FAM204A: variants seen among roughly 807,000 people sequenced by gnomAD.
The protein encoded by FAM204A is family with sequence similarity 204 member A.
A neutral mutation model predicts 35.4 loss-of-function variants in FAM204A; 16 were observed. The ratio of observed to expected loss-of-function variants is 0.45; its 90% CI spans 0.31 to 0.69. The LOEUF is 0.69. Among genes scored for constraint, FAM204A ranks in the 30% least tolerant of loss-of-function variants. The probability of loss-of-function intolerance (pLI) is 0.07; values close to 1 mark genes in which losing one functional copy is unlikely to be tolerated. For synonymous variants in FAM204A, 76 were observed against 86.9 expected (o/e 0.88, Z 0.70); for missense variants, 240 against 265.7 (o/e 0.90, Z 0.67).
rs1341094452 is a variant in FAM204A, at chr10:118,300,008, T to C, written c.*10849A>G. On this transcript the variant is annotated 3_prime_UTR_variant, in exon 9 of 9. Coordinates refer to ENST00000369183, the MANE Select transcript of FAM204A (RefSeq NM_022063.3). The stretch of plus-strand genomic sequence containing the variant: ...TGGCCTTGATTATAGAGGAACAAAG[T>C]AGCAACTGTATTGAGGACCGTCCAT... The C allele has an allele frequency of 1.3e-5, 2 of 152,158 alleles. No individual in the cohort carries two copies. Among genetic ancestry groups the C allele is most frequent in the Non-Finnish European group, 2.9e-5 (2 of 68,022 alleles). 9.4% of individuals were successfully genotyped at this position (152,158 alleles called of 1,614,324 possible). A position where few individuals can be genotyped will look rare whatever the true frequency, so the allele number is the denominator to read the frequency against.
chr10:118,332,664 A>C (rs1215213893), intron 6 of FAM204A, among the ~76,000 whole-genome samples: 1 of 152,158 alleles, frequency 6.6e-6, no homozygotes, highest in East Asian at 1.9e-4. Flanking sequence ...ACAAACAAAC[A>C]AACAAACAAA....
intron 7 of FAM204A, among the ~76,000 whole-genome samples, chr10:118,313,542 T>C (rs981180540): frequency 1.3e-5 from 2 of 152,236 alleles, no homozygotes; most frequent in South Asian, 2.1e-4. Flanking sequence ...CTGTAAATCA[T>C]AGCTGGCTAC....
rs549090220 is a variant in FAM204A at position 118,298,436 on chromosome 10, G to T, written c.*12421C>A. 6.6e-6 allele frequency: 1 copy of T among 152,308 alleles called. No homozygotes were observed. The highest frequency in any genetic ancestry group is 1.5e-5 in the Non-Finnish European group (1 of 68,030). 9.4% of individuals were successfully genotyped at this position (152,308 alleles called of 1,614,324 possible). On this transcript the variant is annotated 3_prime_UTR_variant, in exon 9 of 9. Transcript: ENST00000369183. ...TAAAGACGCTTATTCTCTCCTACCA[G>T]TTACTCTTCATTTTTATGTGTCAGA...
rs1159104357 is a variant in FAM204A, at chr10:118,302,259, G to C, written c.*8598C>G. 1 of 152,244 alleles carries C rather than the reference G, an allele frequency of 6.6e-6. No homozygotes were observed. Among genetic ancestry groups the C allele is most frequent in the East Asian group, 1.9e-4 (1 of 5,194 alleles). 9.4% of individuals were successfully genotyped at this position (152,244 alleles called of 1,614,324 possible). ...TGAAATAATGAGAAAAGGAAATGCA[G>C]GAAGAGGGATCCATTTCTTCCAGAT... On this transcript the variant is annotated 3_prime_UTR_variant, in exon 9 of 9. Coordinates refer to ENST00000369183, the MANE Select transcript of FAM204A (RefSeq NM_022063.3).
chr10:118,311,513 C>T (rs1845951980), intron 7 of FAM204A, 200 bp from the exon 8 acceptor site: 1 of 494,118 alleles, frequency 2.0e-6, no homozygotes, highest in Non-Finnish European at 3.5e-6. Flanking sequence ...AGACCCTTTA[C>T]CCTAGTTATA....
In FAM204A at chr10:118,326,162, T is replaced by C; in HGVS notation, c.535A>G (p.Thr179Ala). The C allele has an allele frequency of 1.9e-6, 3 of 1,613,222 alleles. No individual in the cohort carries two copies. Among genetic ancestry groups the C allele is most frequent in the Non-Finnish European group, 2.5e-6 (3 of 1,179,376 alleles). The change falls in exon 7 of 9, where the codon ACT becomes GCT. Residue 179 changes from threonine to alanine, a missense_variant. Physicochemically the swap from Thr to Ala is moderately conservative, Grantham distance 58. Coordinates refer to ENST00000369183, the MANE Select transcript of FAM204A (RefSeq NM_022063.3). The part of the protein sequence containing the change: ...KAEELSNQLA[T>A]RELGVKIAKA... ...TAACCCTTTTGACTCACCTCTCGAG[T>C]AGCTAGCTGGTTGCTGAGTTCCTCA...
intron 6 of FAM204A, among the ~76,000 whole-genome samples, chr10:118,332,408 C>T (rs1307764359): frequency 1.3e-5 from 2 of 151,992 alleles, no homozygotes; most frequent in Non-Finnish European, 2.9e-5. Context: ...TGGTTTACAA[C>T]TGATACCAGG....
At chr10:118,336,466 G>T in intron 2 of FAM204A, 43 bp from the exon 3 acceptor site, 1 of 1,509,966 alleles carries the variant, frequency 6.6e-7, no homozygotes, top group Non-Finnish European at 8.9e-7. Context: ...AATAACCATA[G>T]AAATAATTTT....
At chr10:118,341,190 G>T (rs1440802652) in intron 2 of FAM204A, among the ~76,000 whole-genome samples, 1 of 152,196 alleles carries the variant, frequency 6.6e-6, no homozygotes, top group African/African-American at 2.4e-5. Context: ...TGAGCAGCTC[G>T]ATGGGTAAAT....
chr10:118,311,155 G>A (rs1845945524), intron 8 of FAM204A, 52 bp downstream of exon 8: 1 of 1,495,726 alleles, frequency 6.7e-7, no homozygotes, highest in Non-Finnish European at 9.2e-7. Context: ...TATATTAGCA[G>A]AATTTCTATG....
chr10:118,317,616 T>C (rs746248968), intron 7 of FAM204A, among the ~76,000 whole-genome samples: 17 of 152,014 alleles, frequency 1.1e-4, no homozygotes, highest in Non-Finnish European at 2.4e-4. Flanking sequence ...ATTAAAATGC[T>C]GCAGTGTCAC....
chr10:118,336,054 A>G, intron 3 of FAM204A, 128 bp downstream of exon 3: 1 of 1,088,034 alleles, frequency 9.2e-7, no homozygotes. Flanking sequence ...GAACAGTAAA[A>G]GCATTCTGAG....
At chr10:118,334,021 C>G (rs557051893) in intron 6 of FAM204A, among the ~76,000 whole-genome samples, 1 of 152,308 alleles carries the variant, frequency 6.6e-6, no homozygotes, top group Admixed American at 6.5e-5. Flanking sequence ...CCTGAGCCTC[C>G]AGCTCTACCA....
At chr10:118,335,039 G>A (rs1022288364) in intron 6 of FAM204A, 75 bp downstream of exon 6, 2 of 1,053,172 alleles carry the variant, frequency 1.9e-6, no homozygotes, top group African/African-American at 3.2e-5. Flanking sequence ...AATTAATGAG[G>A]ACAAGTACTT....
chr10:118,324,995 T>TCTCA (rs1363362850), intron 7 of FAM204A, among the ~76,000 whole-genome samples: 2 of 152,016 alleles, frequency 1.3e-5, no homozygotes, highest in African/African-American at 4.8e-5. Flanking sequence ...ATATATTCTC[T>TCTCA]CTCACACACA....
intron 8 of FAM204A, 110 bp from the exon 9 acceptor site, chr10:118,311,018 T>C: frequency 9.0e-7 from 1 of 1,105,580 alleles, no homozygotes; most frequent in Non-Finnish European, 1.3e-6. Context: ...TTTCACATAC[T>C]CCAATGATTA....
intron 6 of FAM204A, 142 bp downstream of exon 6, chr10:118,334,972 A>G (rs1375969144): frequency 8.6e-6 from 5 of 582,196 alleles, no homozygotes; most frequent in Admixed American, 3.4e-5. Context: ...TTGTAACTAT[A>G]TATTTACTTA....
chr10:118,335,484 TA>T (rs1008390222), intron 4 of FAM204A, 58 bp from the exon 5 acceptor site: 11 of 1,595,740 alleles, frequency 6.9e-6, no homozygotes, highest in African/African-American at 1.4e-5. Context: ...AACCATATTT[TA>T]AAAAAATGGT....
chr10:118,314,716 T>C (rs957331206), intron 7 of FAM204A, among the ~76,000 whole-genome samples: 37 of 152,154 alleles, frequency 2.4e-4, no homozygotes, highest in African/African-American at 7.2e-4. Flanking sequence ...CAGATAACTA[T>C]AGCAACACAA....
Sources: gnomAD v4.1 joint callset for allele counts (sites outside exome capture counted in the v4.1 genomes callset) on GRCh38, gnomAD v4.1.1 for gene constraint, MANE v1.5 for transcripts, NCBI Gene and HGNC (gene_info 2026-07-23, HGNC 2026-07-21) for gene names.